Variants in FLNB observed in about 807,000 individuals in gnomAD.
FLNB encodes filamin-B.
Under a neutral mutation model 250.6 loss-of-function variants are expected in FLNB, and 111 were observed. The ratio of observed to expected loss-of-function variants is 0.44; its 90% CI spans 0.38 to 0.52. The LOEUF is 0.52. Ranked by LOEUF, FLNB falls within the 20% of genes least tolerant of loss-of-function variation. The pLI is 0.00. For missense variants in FLNB, 2,869 were observed against 3,447.8 expected, an observed-to-expected ratio of 0.83 and a Z score of 4.20; for synonymous variants, 1,302 against 1,372.1, an observed-to-expected ratio of 0.95 and a Z score of 1.13.
rs2097339977 is a variant in FLNB at position 58,148,676 on chromosome 3, G to A, written c.5915G>A (p.Gly1972Asp). ...IGISFIPREV[G>D]EHLVSIKKNG... ...ATCTCCTTCATCCCCCGGGAAGTGG[G>A]CGAACATCTGGTCAGCATCAAGAAA... The change falls in exon 36 of 46, where the codon GGC becomes GAC. Residue 1972 changes from glycine to aspartate, a missense_variant. Gly to Asp is a moderately conservative substitution (Grantham distance 94). This residue lies in a region of FLNB where 1,084 missense variants were observed against 1,315.5 expected (regional missense o/e 0.82). Coordinates refer to ENST00000295956, the MANE Select transcript of FLNB (RefSeq NM_001457.4). The A allele has an allele frequency of 3.7e-6, 6 of 1,614,134 alleles. No homozygotes were observed. The highest frequency in any genetic ancestry group is 5.1e-6 in the Non-Finnish European group (6 of 1,180,010).
At chr3:58,111,416 C>T (rs2097268426) in intron 16 of FLNB, among the ~76,000 whole-genome samples, 1 of 152,162 alleles carries the variant, frequency 6.6e-6, no homozygotes, top group Non-Finnish European at 1.5e-5. Flanking sequence ...TTGCATTTCC[C>T]CAGACCTTAG....
chr3:58,136,013 A>G lies in FLNB; in HGVS notation c.4706A>G (p.His1569Arg). The stretch of plus-strand genomic sequence containing the variant: ...GGAAAACCCAAAAGAGCCATTGTCC[A>G]TGACAATAAAGATGGCACGTATGCT... ...QEGKPKRAIV[H>R]DNKDGTYAVT... Residue 1569 changes from histidine to arginine, a missense_variant, in exon 28 of 46, where the codon CAT becomes CGT. His to Arg is a conservative substitution (Grantham distance 29). Around this residue, in one of 5 missense-constraint regions of FLNB, gnomAD observed 126 missense variants for 182.0 expected, o/e 0.69. Transcript: ENST00000295956. 1.2e-6 allele frequency: 2 copies of G among 1,614,238 alleles called. No homozygotes were observed. Among genetic ancestry groups the G allele is most frequent in the Non-Finnish European group, 8.5e-7 (1 of 1,180,032 alleles).
chr3:58,139,520 G>A (rs1354976004), intron 29 of FLNB, among the ~76,000 whole-genome samples: 1 of 152,208 alleles, frequency 6.6e-6, no homozygotes, highest in East Asian at 1.9e-4. Flanking sequence ...CTTCCGAACA[G>A]TCTATACTCT....
intron 1 of FLNB, among the ~76,000 whole-genome samples, chr3:58,039,196 GA>G (rs768670049): frequency 0.051 from 6,140 of 120,900 alleles, 331 homozygotes; most frequent in African/African-American, 0.16. Context: ...GTCTCTACAG[GA>G]AAAAAAAAAA....
At chr3:58,124,957 TC>T (rs1464275651) in intron 22 of FLNB, among the ~76,000 whole-genome samples, 3 of 152,346 alleles carry the variant, frequency 2.0e-5, no homozygotes, top group Admixed American at 6.5e-5. Flanking sequence ...TTCTTCTGTT[TC>T]ACGGGTTTCG....
intron 1 of FLNB, among the ~76,000 whole-genome samples, chr3:58,022,809 T>G (rs189479250): frequency 6.6e-6 from 1 of 152,228 alleles, no homozygotes; most frequent in Admixed American, 6.5e-5. Flanking sequence ...CAGCAAGTCT[T>G]TGAAATTTGC....
chr3:58,017,110 T>C (rs1476295100), intron 1 of FLNB, among the ~76,000 whole-genome samples: 1 of 152,146 alleles, frequency 6.6e-6, no homozygotes, highest in East Asian at 1.9e-4. Context: ...TTGGGGAAAA[T>C]GATTAGAAAA....
intron 22 of FLNB, among the ~76,000 whole-genome samples, chr3:58,124,921 T>C (rs1341776061): frequency 6.6e-6 from 1 of 152,152 alleles, no homozygotes; most frequent in Non-Finnish European, 1.5e-5. Flanking sequence ...GATATAGATA[T>C]TTTCAGTCTT....
At chr3:58,060,641 C>CTG (rs1265147107) in intron 1 of FLNB, among the ~76,000 whole-genome samples, 1 of 151,350 alleles carries the variant, frequency 6.6e-6, no homozygotes, top group African/African-American at 2.4e-5. Context: ...GCGTGAGCTA[C>CTG]TGTGCCTGGC....
chr3:58,130,655 G>A lies in FLNB; in HGVS notation c.4223-86G>A, dbSNP rs567717661. ...CCGAGGCCTGCATGGCCGAGGTCCC[G>A]GGGGAGCAGCAGTGCTATTCTGGGT... On this transcript the variant is annotated intron_variant, in intron 24 of 45. Coordinates refer to ENST00000295956, the MANE Select transcript of FLNB (RefSeq NM_001457.4). 1.5e-5 allele frequency: 21 copies of A among 1,427,376 alleles called. No homozygotes were observed. In the East Asian group the frequency reaches 1.7e-4, roughly 12 times the overall value. 88.4% of individuals were successfully genotyped at this position (1,427,376 alleles called of 1,614,324 possible). A position where few individuals can be genotyped will look rare whatever the true frequency, so the allele number is the denominator to read the frequency against.
intron 1 of FLNB, among the ~76,000 whole-genome samples, chr3:58,025,666 T>C (rs146059540): frequency 1.5e-4 from 23 of 152,296 alleles, no homozygotes; most frequent in African/African-American, 5.1e-4. Flanking sequence ...GGGCCAGACA[T>C]TGTGGCTCAT....
chr3:58,071,864 G>A (rs2097195105), intron 1 of FLNB, among the ~76,000 whole-genome samples: 1 of 152,142 alleles, frequency 6.6e-6, no homozygotes, highest in African/African-American at 2.4e-5. Context: ...TGTGAGTAGA[G>A]AGGTAAAAGG....
intron 4 of FLNB, among the ~76,000 whole-genome samples, chr3:58,088,778 A>G (rs1286941837): frequency 6.6e-6 from 1 of 152,164 alleles, no homozygotes; most frequent in Non-Finnish European, 1.5e-5. Flanking sequence ...GCAGCCCCAC[A>G]CTTACACCCG....
At chr3:58,055,678 T>C (rs2097169339) in intron 1 of FLNB, among the ~76,000 whole-genome samples, 1 of 152,258 alleles carries the variant, frequency 6.6e-6, no homozygotes, top group Non-Finnish European at 1.5e-5. Flanking sequence ...TTTTACTTTT[T>C]GGTTCTAAAA....
intron 5 of FLNB, among the ~76,000 whole-genome samples, chr3:58,095,575 C>T (rs1225577462): frequency 3.9e-5 from 6 of 152,202 alleles, no homozygotes; most frequent in African/African-American, 4.8e-5. Flanking sequence ...GTTTTATATA[C>T]TGATGGCCAG....
intron 28 of FLNB, among the ~76,000 whole-genome samples, chr3:58,136,871 G>A (rs1210356498): frequency 2.7e-5 from 4 of 147,818 alleles, no homozygotes; most frequent in East Asian, 4.3e-4. Flanking sequence ...AGGTGCCCAC[G>A]ACCATGCCCG....
At chr3:58,056,300 A>G (rs1342041610) in intron 1 of FLNB, among the ~76,000 whole-genome samples, 1 of 151,530 alleles carries the variant, frequency 6.6e-6, no homozygotes, top group Non-Finnish European at 1.5e-5. Flanking sequence ...TGGGGGTTTC[A>G]CCATGTTGAC....
chr3:58,048,041 C>T (rs184277741), intron 1 of FLNB, among the ~76,000 whole-genome samples: 11 of 152,212 alleles, frequency 7.2e-5, no homozygotes, highest in East Asian at 5.8e-4. Flanking sequence ...AGGTTAGCAC[C>T]GATACAGTAA....
intron 13 of FLNB, 40 bp downstream of exon 13, chr3:58,108,611 T>A: frequency 7.5e-7 from 1 of 1,325,446 alleles, no homozygotes; most frequent in Non-Finnish European, 1.1e-6. Flanking sequence ...AATTGTCAGG[T>A]AACAAGATCT....
Sources: gnomAD v4.1 joint callset for allele counts (sites outside exome capture counted in the v4.1 genomes callset) on GRCh38, gnomAD v4.1.1 for gene constraint, gnomAD v4.1.1 regional missense constraint, MANE v1.5 for transcripts, NCBI Gene and HGNC (gene_info 2026-07-23, HGNC 2026-07-21) for gene names.